The following CADM1 variants were observed in gnomAD, a reference collection of about 807,000 sequenced individuals.
CADM1 encodes the protein TSLC-1.
CADM1 carries 15 observed loss-of-function variants against 53.1 expected under a neutral mutation model. The ratio of observed to expected loss-of-function variants is 0.28; its 90% CI spans 0.19 to 0.44. The LOEUF (loss-of-function observed/expected upper bound fraction) is 0.44, where lower values mean the gene tolerates loss of function less well. Ranked by LOEUF, CADM1 falls within the 20% of genes least tolerant of loss-of-function variation. The pLI is 1.00. For missense variants in CADM1, 434 were observed against 611.3 expected, an observed-to-expected ratio of 0.71 and a Z score of 3.06; for synonymous variants, 281 against 243.0, an observed-to-expected ratio of 1.16 and a Z score of -1.45.
At chr11:115,329,465 G>A (rs1394948157) in intron 1 of CADM1, among the ~76,000 whole-genome samples, 2 of 152,118 alleles carry the variant, frequency 1.3e-5, no homozygotes, top group Non-Finnish European at 2.9e-5. Context: ...CATGCAACAG[G>A]GGTGTGGCTC....
intron 1 of CADM1, among the ~76,000 whole-genome samples, chr11:115,261,168 A>G (rs1361970944): frequency 6.6e-6 from 1 of 152,180 alleles, no homozygotes; most frequent in African/African-American, 2.4e-5. Context: ...CTTCCTATAT[A>G]AAACCATCAA....
At chr11:115,242,968 A>G (rs971064884) in intron 1 of CADM1, among the ~76,000 whole-genome samples, 8 of 152,222 alleles carry the variant, frequency 5.3e-5, no homozygotes, top group Non-Finnish European at 1.0e-4. Flanking sequence ...CTCCACTCAT[A>G]TTAAGGCTAC....
At chr11:115,183,838 G>A (rs1017061824) in intron 10 of CADM1, among the ~76,000 whole-genome samples, 1 of 152,096 alleles carries the variant, frequency 6.6e-6, no homozygotes, top group Non-Finnish European at 1.5e-5. Context: ...AGGTTCTAAC[G>A]GTATTAGTCT....
At chr11:115,321,347 T>G (rs1411698953) in intron 1 of CADM1, among the ~76,000 whole-genome samples, 1 of 152,080 alleles carries the variant, frequency 6.6e-6, no homozygotes, top group East Asian at 1.9e-4. Flanking sequence ...TAGTGGTAAG[T>G]GCACAGTACT....
chr11:115,230,883 T>C (rs1249545067), intron 4 of CADM1, among the ~76,000 whole-genome samples: 4 of 152,210 alleles, frequency 2.6e-5, no homozygotes, highest in South Asian at 2.1e-4. Flanking sequence ...GATAGTGCAA[T>C]AGACGTCAGA....
rs1186036967 is a variant in CADM1, at chr11:115,190,498, G to GT, written c.1165+389dup. The GT allele has an allele frequency of 8.9e-3, 1,424 of 160,782 alleles. 5 individuals are homozygous for GT. The highest frequency in any genetic ancestry group is 0.011 in the African/African-American group (459 of 40,366). 10.0% of individuals were successfully genotyped at this position (160,782 alleles called of 1,614,324 possible). A position where few individuals can be genotyped will look rare whatever the true frequency, so the allele number is the denominator to read the frequency against. ...GAAGTAGGCAGTCAATGAGTTGCTT[G>GT]TTTTTTTTTTTAAAAAAGATCTTGT... is the stretch of plus-strand genomic sequence containing the variant. On this transcript the variant is annotated intron_variant, in intron 10 of 11. Coordinates refer to ENST00000331581, the MANE Select transcript of CADM1 (RefSeq NM_001301043.2).
intron 5 of CADM1, among the ~76,000 whole-genome samples, chr11:115,225,980 C>A (rs893944583): frequency 1.3e-5 from 2 of 151,288 alleles, no homozygotes; most frequent in African/African-American, 2.4e-5. Context: ...TATTTAATAC[C>A]AATAGTATCA....
At chr11:115,271,721 T>A (rs964724142) in intron 1 of CADM1, among the ~76,000 whole-genome samples, 6 of 152,240 alleles carry the variant, frequency 3.9e-5, no homozygotes, top group Admixed American at 6.5e-5. Context: ...AGAGACTTTA[T>A]AATACAAAGA....
chr11:115,259,685 G>A (rs1439104962), intron 1 of CADM1, among the ~76,000 whole-genome samples: 3 of 152,052 alleles, frequency 2.0e-5, no homozygotes, highest in Non-Finnish European at 4.4e-5. Context: ...TCTCTGTTAG[G>A]AGTCTACTTC....
At position 115,176,266 on chromosome 11, in the gene CADM1, A is replaced by G; in HGVS notation, c.*208T>C. 7.4e-7 allele frequency: 1 copy of G among 1,347,814 alleles called. No homozygotes were observed. The highest frequency in any genetic ancestry group is 9.6e-7 in the Non-Finnish European group (1 of 1,042,554). 83.5% of individuals were successfully genotyped at this position (1,347,814 alleles called of 1,614,324 possible). The stretch of plus-strand genomic sequence containing the variant: ...GAAATAAAAATTAAACAAACAAACA[A>G]ACGAAAAAAGAGGTGTCAAACAGCA... On this transcript the variant is annotated 3_prime_UTR_variant, in exon 12 of 12. Coordinates refer to ENST00000331581, the MANE Select transcript of CADM1 (RefSeq NM_001301043.2).
At chr11:115,362,688 T>G (rs928652197) in intron 1 of CADM1, among the ~76,000 whole-genome samples, 1 of 152,160 alleles carries the variant, frequency 6.6e-6, no homozygotes, top group Non-Finnish European at 1.5e-5. Flanking sequence ...AAGCCTCTAT[T>G]TAACAATGGA....
chr11:115,188,630 G>A (rs1939691576), intron 10 of CADM1, among the ~76,000 whole-genome samples: 1 of 152,098 alleles, frequency 6.6e-6, no homozygotes, highest in African/African-American at 2.4e-5. Context: ...GATGCAGCAG[G>A]GAATGGATGA....
chr11:115,479,403 T>G (rs951516134), intron 1 of CADM1, among the ~76,000 whole-genome samples: 6 of 152,118 alleles, frequency 3.9e-5, no homozygotes, highest in Non-Finnish European at 8.8e-5. Context: ...AATCACAGTT[T>G]CCTATTTGTC....
chr11:115,488,743 G>T (rs1949431902), intron 1 of CADM1, among the ~76,000 whole-genome samples: 1 of 152,152 alleles, frequency 6.6e-6, no homozygotes, highest in African/African-American at 2.4e-5. Flanking sequence ...GCTTAACTTT[G>T]CCAGTCCTAT....
At chr11:115,297,607 C>T (rs914337911) in intron 1 of CADM1, among the ~76,000 whole-genome samples, 7 of 152,158 alleles carry the variant, frequency 4.6e-5, no homozygotes, top group African/African-American at 1.4e-4. Context: ...ATTCCTGAAT[C>T]GTTACAGAAT....
At chr11:115,335,771 T>A (rs1945251790) in intron 1 of CADM1, among the ~76,000 whole-genome samples, 1 of 152,146 alleles carries the variant, frequency 6.6e-6, no homozygotes, top group South Asian at 2.1e-4. Context: ...TTATTCAGTA[T>A]CAAAAAAGTC....
intron 1 of CADM1, among the ~76,000 whole-genome samples, chr11:115,282,913 T>C (rs181924536): frequency 4.1e-4 from 63 of 152,238 alleles, no homozygotes; most frequent in African/African-American, 1.5e-3. Context: ...TAAAATACAG[T>C]ATTCTACAGA....
intron 1 of CADM1, among the ~76,000 whole-genome samples, chr11:115,344,729 C>A (rs1220992239): frequency 6.6e-6 from 1 of 152,120 alleles, no homozygotes; most frequent in Non-Finnish European, 1.5e-5. Flanking sequence ...ATTTCTCATA[C>A]CCTGACTAGA....
At chr11:115,278,227 T>C (rs982514692) in intron 1 of CADM1, among the ~76,000 whole-genome samples, 1 of 152,134 alleles carries the variant, frequency 6.6e-6, no homozygotes, top group Non-Finnish European at 1.5e-5. Flanking sequence ...GAAAAAAATA[T>C]GTAAACACTT....
Sources: allele counts gnomAD v4.1 joint callset (sites outside exome capture counted in the v4.1 genomes callset), GRCh38; gene constraint gnomAD v4.1.1; transcripts MANE v1.5; gene names NCBI Gene and HGNC (gene_info 2026-07-23, HGNC 2026-07-21).